The following ADAM12 variants were observed in gnomAD, a reference collection of about 807,000 sequenced individuals.
ADAM12 encodes the protein disintegrin and metalloproteinase domain-containing protein 12.
ADAM12 carries 70 observed loss-of-function variants against 106.4 expected under a neutral mutation model. That is an observed-to-expected ratio of 0.66 (90% confidence interval 0.54 to 0.80). The LOEUF (loss-of-function observed/expected upper bound fraction) is 0.80. Ranked by LOEUF, ADAM12 falls within the 30% of genes least tolerant of loss-of-function variation. ADAM12 has a pLI of 0.00. For missense variants in ADAM12, 1,010 were observed against 1,171.9 expected (o/e 0.86, Z 2.02); for synonymous variants, 420 against 433.5 (o/e 0.97, Z 0.39).
chr10:126,060,417 C>T (rs1162390855), intron 14 of ADAM12, among the ~76,000 whole-genome samples: 1 of 152,140 alleles, frequency 6.6e-6, no homozygotes, highest in African/African-American at 2.4e-5. Context: ...AACTCAGCAA[C>T]TCGGGCAAGG....
rs1565067798 is a variant in ADAM12 at position 126,113,720 on chromosome 10, ATATATATAT to A, written c.604-3889_604-3881del. On this transcript the variant is annotated intron_variant, in intron 6 of 22. Transcript: ENST00000448723. ...TATATATATATATATATATATATATATATATATATATAATATATTGCTCTGGCTACTGGA... is the reference window on the plus strand; with the variant it reads ...TATATATATATATATATATATATATAATAATATATTGCTCTGGCTACTGGA... Among the ~76,000 whole-genome samples the A allele has an allele frequency of 3.0e-3, 181 of 60,538 alleles. 9 individuals carry two copies. The highest frequency in any genetic ancestry group is 8.7e-3 in the African/African-American group (122 of 13,994). 39.7% of individuals were successfully genotyped at this position (60,538 alleles called of 152,430 possible). A position where few individuals can be genotyped will look rare whatever the true frequency, so the allele number is the denominator to read the frequency against.
chr10:126,098,536 T>C, intron 9 of ADAM12, 36 bp from the exon 10 acceptor site: 1 of 1,546,310 alleles, frequency 6.5e-7, no homozygotes, highest in South Asian at 1.1e-5. Context: ...TTTAATCAAA[T>C]TAGAACGGGG....
At chr10:126,174,008 ATTTTT>A (rs200354475) in intron 3 of ADAM12, among the ~76,000 whole-genome samples, 15 of 90,470 alleles carry the variant, frequency 1.7e-4, no homozygotes, top group African/African-American at 8.0e-4. Flanking sequence ...TCTGTTGTTG[ATTTTT>A]TTTTTTTTTT....
At chr10:126,104,207 TG>T (rs1955721049) in intron 8 of ADAM12, among the ~76,000 whole-genome samples, 1 of 152,124 alleles carries the variant, frequency 6.6e-6, no homozygotes, top group East Asian at 1.9e-4. Flanking sequence ...CCCGGCACTT[TG>T]GGAGGCTGAG....
At chr10:126,235,910 G>C (rs1416932482) in intron 3 of ADAM12, among the ~76,000 whole-genome samples, 1 of 152,116 alleles carries the variant, frequency 6.6e-6, no homozygotes, top group Non-Finnish European at 1.5e-5. Context: ...CACGGAGGAG[G>C]GGGTGGCTGT....
At chr10:126,266,668 G>T (rs1405925180) in intron 3 of ADAM12, among the ~76,000 whole-genome samples, 4 of 152,180 alleles carry the variant, frequency 2.6e-5, no homozygotes, top group Non-Finnish European at 5.9e-5. Context: ...TTGGCTCATG[G>T]TTCTGCAAGC....
chr10:126,113,077 G>A (rs1955900375), intron 6 of ADAM12, among the ~76,000 whole-genome samples: 1 of 152,182 alleles, frequency 6.6e-6, no homozygotes, highest in Non-Finnish European at 1.5e-5. Context: ...GATGAAGCTG[G>A]GCAGTGGGCA....
At chr10:126,313,612 T>C (rs1039346793) in intron 2 of ADAM12, among the ~76,000 whole-genome samples, 4 of 82,998 alleles carry the variant, frequency 4.8e-5, no homozygotes, top group Non-Finnish European at 5.7e-5. Context: ...TCCATCCATC[T>C]GTCCATCTGT....
chr10:126,351,942 C>T (rs575274714), intron 1 of ADAM12, among the ~76,000 whole-genome samples: 27 of 152,244 alleles, frequency 1.8e-4, no homozygotes, highest in African/African-American at 6.0e-4. Context: ...ACTCCGGCCT[C>T]GTCCCCTCTG....
intron 1 of ADAM12, among the ~76,000 whole-genome samples, chr10:126,365,436 A>G (rs1855876081): frequency 6.6e-6 from 1 of 152,206 alleles, no homozygotes; most frequent in Non-Finnish European, 1.5e-5. Context: ...CAGGAAGAAC[A>G]TAAAGGGGTG....
intron 1 of ADAM12, among the ~76,000 whole-genome samples, chr10:126,338,670 T>C (rs1223111971): frequency 1.3e-5 from 2 of 152,184 alleles, no homozygotes; most frequent in Non-Finnish European, 2.9e-5. Context: ...ATAATATAAA[T>C]GGTGGAATTA....
rs762586814 is a variant in ADAM12 at position 126,094,002 on chromosome 10, G to A, written c.1128C>T (p.Ile376=). ...GTACTTGCCCGGTGGAAGCGTTCAT[G>A]ATGCAGCCTCCTTTCTCAACCGCCA... ...CQMAVEKGGC[I]MNASTGYPFP... is the part of the protein sequence containing the mutation. Residue 376 remains isoleucine, a synonymous_variant, in exon 11 of 23, where the codon ATC becomes ATT. Transcript: ENST00000448723. 18 of 1,614,136 alleles carry A rather than the reference G, an allele frequency of 1.1e-5. No individual in the cohort carries two copies. Among genetic ancestry groups the A allele is most frequent in the Non-Finnish European group, 1.4e-5 (16 of 1,180,024 alleles).
At chr10:126,249,313 G>GGGCA (rs1456201826) in intron 3 of ADAM12, among the ~76,000 whole-genome samples, 6 of 152,190 alleles carry the variant, frequency 3.9e-5, no homozygotes, top group African/African-American at 1.4e-4. Context: ...ACCACAAAGA[G>GGGCA]GGCAGTCTAG....
intron 3 of ADAM12, among the ~76,000 whole-genome samples, chr10:126,182,369 A>G (rs1224135685): frequency 6.6e-6 from 1 of 152,130 alleles, no homozygotes; most frequent in Non-Finnish European, 1.5e-5. Context: ...TACAAATGGA[A>G]TTTCCTTAAC....
At chr10:126,269,578 A>C (rs1487058078) in intron 3 of ADAM12, among the ~76,000 whole-genome samples, 1 of 152,180 alleles carries the variant, frequency 6.6e-6, no homozygotes, top group Non-Finnish European at 1.5e-5. Flanking sequence ...GGGAAGGTGC[A>C]ATGACAGCCA....
chr10:126,294,898 A>ATG (rs34255814), intron 2 of ADAM12, among the ~76,000 whole-genome samples: 61,278 of 150,294 alleles, frequency 0.41, 12,676 homozygotes, highest in Admixed American at 0.49. Context: ...TTGTGTGTAG[A>ATG]TGTGTGTGTG....
intron 1 of ADAM12, among the ~76,000 whole-genome samples, chr10:126,339,072 C>T (rs1488512862): frequency 1.3e-5 from 2 of 152,182 alleles, no homozygotes; most frequent in African/African-American, 4.8e-5. Context: ...ATTTCTTCCC[C>T]TCCTCTGCCC....
chr10:126,201,348 C>T (rs761231545), intron 3 of ADAM12, among the ~76,000 whole-genome samples: 6 of 151,878 alleles, frequency 4.0e-5, no homozygotes, highest in South Asian at 4.2e-4. Flanking sequence ...TGCCATGAGA[C>T]GAAACAGAGA....
At chr10:126,332,828 C>A (rs1342356643) in intron 1 of ADAM12, among the ~76,000 whole-genome samples, 4 of 152,234 alleles carry the variant, frequency 2.6e-5, no homozygotes, top group African/African-American at 9.6e-5. Context: ...TTGCCAAGAC[C>A]AGGGTCTCTT....
Sources: allele counts gnomAD v4.1 joint callset (sites outside exome capture counted in the v4.1 genomes callset), GRCh38; gene constraint gnomAD v4.1.1; transcripts MANE v1.5; gene names NCBI Gene and HGNC (gene_info 2026-07-23, HGNC 2026-07-21).